Variants in USP42 observed in about 807,000 individuals in gnomAD.
USP42 encodes the protein ubiquitin carboxyl-terminal hydrolase 42.
A neutral mutation model predicts 113.0 loss-of-function variants in USP42; 23 were observed. The observed-to-expected ratio is 0.20, with a 90% CI of 0.15 to 0.29. USP42 has a LOEUF of 0.29. Among genes scored for constraint, USP42 ranks in the 10% least tolerant of loss-of-function variants. USP42 has a pLI of 1.00. For missense variants in USP42, 2,174 were observed against 1,779.8 expected (o/e 1.22, Z -3.99); for synonymous variants, 933 against 699.0 (o/e 1.33, Z -5.28).
At chr7:6,105,432 C>T (rs995080265) in intron 1 of USP42, among the ~76,000 whole-genome samples, 5 of 149,432 alleles carry the variant, frequency 3.3e-5, no homozygotes, top group Admixed American at 1.3e-4. Context: ...TGGGCGTGTG[C>T]TGGCCGCTGA....
chr7:6,103,842 C>G (rs1392413902), upstream of USP42, among the ~76,000 whole-genome samples: 3 of 151,066 alleles, frequency 2.0e-5, no homozygotes, highest in Non-Finnish European at 4.4e-5. Flanking sequence ...CTGCTTGAGC[C>G]CAGGAATCTT....
Position 6,156,895 on chromosome 7 carries a change from C to T in USP42, c.3783C>T (p.Val1261=), listed in dbSNP as rs967275897. Residue 1261 remains valine, a synonymous_variant, in exon 16 of 18, where the codon GTC becomes GTT. Transcript: ENST00000306177. ...VKDSELHLPR[V]TSLETVAQFR... is the part of the protein sequence containing the mutation. The stretch of plus-strand genomic sequence containing the variant: ...ATTCAGAACTGCACTTACCCAGGGT[C>T]ACCAGCTTGGAGACTGTCGCCCAGT... 6.2e-7 allele frequency: 1 copy of T among 1,613,732 alleles called. No individual in the cohort carries two copies. Among genetic ancestry groups the T allele is most frequent in the African/African-American group, 1.3e-5 (1 of 75,010 alleles).
At chr7:6,122,377 C>T (rs1460036755) in intron 3 of USP42, among the ~76,000 whole-genome samples, 1 of 151,294 alleles carries the variant, frequency 6.6e-6, no homozygotes, top group African/African-American at 2.4e-5. Context: ...CCTCAACCTT[C>T]TGGGTTCAAG....
chr7:6,095,828 T>A, the USP42 span, among the ~76,000 whole-genome samples: 1 of 150,880 alleles, frequency 6.6e-6, no homozygotes, highest in Non-Finnish European at 1.5e-5. Context: ...AGTGGTGTGG[T>A]CACATCTCAC....
At chr7:6,153,655 A>G (rs2128520579) in intron 14 of USP42, 101 bp from the exon 15 acceptor site, 2 of 1,319,762 alleles carry the variant, frequency 1.5e-6, no homozygotes, top group East Asian at 5.7e-5. Flanking sequence ...AAAGAGACGA[A>G]ATAGCAAATG....
intron 3 of USP42, among the ~76,000 whole-genome samples, chr7:6,117,791 T>C (rs1779995182): frequency 6.6e-6 from 1 of 152,254 alleles, no homozygotes; most frequent in South Asian, 2.1e-4. Flanking sequence ...TGTACTTTCA[T>C]AATGAATAAT....
chr7:6,123,452 A>C (rs1780348199), intron 3 of USP42, among the ~76,000 whole-genome samples: 2 of 152,160 alleles, frequency 1.3e-5, no homozygotes, highest in Non-Finnish European at 2.9e-5. Flanking sequence ...TCACGAGCTC[A>C]GGAGATCGAG....
intron 3 of USP42, among the ~76,000 whole-genome samples, chr7:6,130,374 G>A (rs1780786589): frequency 6.6e-6 from 1 of 152,246 alleles, no homozygotes; most frequent in African/African-American, 2.4e-5. Flanking sequence ...CACGGACACT[G>A]CAGTGGGAGT....
rs1330953757 is a variant in USP42, at chr7:6,157,555, G to A, written c.3943+500G>A. Among the ~76,000 whole-genome samples, 3 of 152,056 alleles carry A rather than the reference G, an allele frequency of 2.0e-5. No homozygotes were observed. The highest frequency in any genetic ancestry group is 2.1e-4 in the South Asian group (1 of 4,810). On this transcript the variant is annotated intron_variant, in intron 16 of 17. Transcript: ENST00000306177. The surrounding 1 kb of genome is among the most constrained non-coding windows in gnomAD (Gnocchi z 4.1). ...CGGGACTACAGGCGCCCGCCACCAC[G>A]CCCGGCTAAATTTTGTGTTTTTAGT...
At chr7:6,120,187 A>T (rs555072295) in intron 3 of USP42, among the ~76,000 whole-genome samples, 2 of 152,194 alleles carry the variant, frequency 1.3e-5, no homozygotes, top group African/African-American at 4.8e-5. Flanking sequence ...GATGGTCTTG[A>T]TCTCCTGACC....
chr7:6,130,165 GTTATC>G (rs745797090), intron 3 of USP42, among the ~76,000 whole-genome samples: 28 of 152,122 alleles, frequency 1.8e-4, no homozygotes, highest in Non-Finnish European at 3.4e-4. Context: ...ATATTTTGGT[GTTATC>G]TTATAAGACA....
chr7:6,081,345 A>G, the USP42 span: 1 of 12,290 alleles, frequency 8.1e-5, no homozygotes, highest in Admixed American at 1.1e-3. Flanking sequence ...CCACCATCAT[A>G]CCGGGGGCCG....
At chr7:6,116,076 C>T (rs1249850653) in intron 3 of USP42, among the ~76,000 whole-genome samples, 1 of 149,630 alleles carries the variant, frequency 6.7e-6, no homozygotes, top group African/African-American at 2.5e-5. Flanking sequence ...TGTACTTCAG[C>T]CTAGACAACA....
Position 6,156,795 on chromosome 7 carries a change from C to G in USP42, c.3683C>G (p.Ala1228Gly), listed in dbSNP as rs1007595527. 2 of 1,593,862 alleles carry G rather than the reference C, an allele frequency of 1.3e-6. No individual in the cohort carries two copies. The highest frequency in any genetic ancestry group is 3.6e-5 in the Admixed American group (2 of 55,402). Residue 1228 changes from alanine to glycine, a missense_variant, in exon 16 of 18, where the codon GCT becomes GGT. Ala to Gly is a moderately conservative substitution (Grantham distance 60, BLOSUM62 0). Transcript: ENST00000306177. The part of the protein sequence containing the change: ...DSDLSAACSD[A>G]DLHRHKKKKK... ...GACCTCTCAGCAGCGTGCTCTGACG[C>G]TGACCTCCACAGACACAAAAAAAAG... is the stretch of plus-strand genomic sequence containing the variant.
At chr7:6,108,521 G>A (rs1437123924) in intron 1 of USP42, among the ~76,000 whole-genome samples, 1 of 151,916 alleles carries the variant, frequency 6.6e-6, no homozygotes, top group Non-Finnish European at 1.5e-5. Context: ...TCGCTCTGTC[G>A]CCAGGCTGGA....
At chr7:6,143,903 T>G (rs1781566374) in intron 8 of USP42, among the ~76,000 whole-genome samples, 182 bp from the exon 9 acceptor site, 1 of 152,138 alleles carries the variant, frequency 6.6e-6, no homozygotes, top group Admixed American at 6.6e-5. Flanking sequence ...AATTAAGCAG[T>G]TTCCCCCTGT....
At chr7:6,088,889 T>A in the USP42 span, 1 of 150,644 alleles carries the variant, frequency 6.6e-6, no homozygotes, top group Non-Finnish European at 1.5e-5. Context: ...GAACCAAGAT[T>A]GGAAGGAACA....
chr7:6,147,313 A>G (rs965206583), intron 11 of USP42, among the ~76,000 whole-genome samples: 1 of 152,210 alleles, frequency 6.6e-6, no homozygotes, highest in Non-Finnish European at 1.5e-5. Context: ...AAATAAAAAA[A>G]TGAGCCAGGC....
At position 6,111,410 on chromosome 7, in the gene USP42, A is replaced by G. The variant is rs1373859170; in HGVS notation, c.241+36A>G. The G allele has an allele frequency of 1.9e-6, 3 of 1,598,860 alleles. No homozygotes were observed. The African/African-American group carries it at 4.0e-5, about 21-fold the overall frequency. On this transcript the variant is annotated intron_variant, in intron 2 of 17. Coordinates refer to ENST00000306177, the MANE Select transcript of USP42 (RefSeq NM_032172.3). ...TCAAAAGAGAGAATTACCGCCAGAAACTCCTGTGTAAATGCTGCTGGGGCT... is the reference window on the plus strand; with the variant it reads ...TCAAAAGAGAGAATTACCGCCAGAAGCTCCTGTGTAAATGCTGCTGGGGCT...
Sources: allele counts gnomAD v4.1 joint callset (sites outside exome capture counted in the v4.1 genomes callset), GRCh38; gene constraint gnomAD v4.1.1; non-coding constraint Gnocchi (gnomAD v3.1); transcripts MANE v1.5; gene names NCBI Gene and HGNC (gene_info 2026-07-23, HGNC 2026-07-21).